LRRC42: variants seen among roughly 807,000 people sequenced by gnomAD.
LRRC42 encodes the protein leucine rich repeat containing 42.
A neutral mutation model predicts 44.3 loss-of-function variants in LRRC42; 43 were observed. The observed-to-expected ratio is 0.97, with a 90% CI of 0.76 to 1.25. The LOEUF (loss-of-function observed/expected upper bound fraction) is 1.25. Ranked by LOEUF, LRRC42 falls within the 50% of genes most tolerant of loss-of-function variation. The pLI is 0.00. For synonymous variants in LRRC42, 207 were observed against 195.2 expected, an observed-to-expected ratio of 1.06 and a Z score of -0.50; for missense variants, 540 against 509.1, an observed-to-expected ratio of 1.06 and a Z score of -0.58.
At chr1:53,952,592 A>G (rs1654724837) in intron 3 of LRRC42, 120 bp downstream of exon 3, 2 of 742,068 alleles carry the variant, frequency 2.7e-6, no homozygotes, top group African/African-American at 1.8e-5. Flanking sequence ...AGAACTTCCA[A>G]ATATGAAGTA....
chr1:53,953,454 T>C (rs919605493), intron 3 of LRRC42, among the ~76,000 whole-genome samples: 2 of 151,970 alleles, frequency 1.3e-5, no homozygotes, highest in African/African-American at 4.8e-5. Flanking sequence ...TCCAACTGCC[T>C]GGTTCAAGCA....
chr1:53,950,287 G>T (rs1654636555), intron 2 of LRRC42, among the ~76,000 whole-genome samples: 1 of 152,240 alleles, frequency 6.6e-6, no homozygotes, highest in Non-Finnish European at 1.5e-5. Flanking sequence ...GGACATGAGA[G>T]CATGGCCAGT....
intron 4 of LRRC42, 66 bp downstream of exon 4, chr1:53,958,346 A>T: frequency 6.3e-7 from 1 of 1,584,162 alleles, no homozygotes; most frequent in South Asian, 1.1e-5. Context: ...ATCCAACAGG[A>T]TTATCTTCAG....
At chr1:53,960,235 G>A (rs1215404384) in intron 4 of LRRC42, 121 bp from the exon 5 acceptor site, 1 of 702,166 alleles carries the variant, frequency 1.4e-6, no homozygotes, top group Non-Finnish European at 2.4e-6. Context: ...CATTGGGTAT[G>A]AAATAGCAAG....
chr1:53,956,835 ATG>A (rs1654855068), intron 3 of LRRC42, among the ~76,000 whole-genome samples: 1 of 152,222 alleles, frequency 6.6e-6, no homozygotes, highest in Non-Finnish European at 1.5e-5. Flanking sequence ...ATCAAAGTAT[ATG>A]TGTTTTCCTT....
chr1:53,964,918 G>A (rs181269227), intron 7 of LRRC42, among the ~76,000 whole-genome samples: 6 of 151,518 alleles, frequency 4.0e-5, no homozygotes, highest in Admixed American at 1.3e-4. Context: ...ACTCCTGGGC[G>A]CAAGGGATCC....
intron 7 of LRRC42, among the ~76,000 whole-genome samples, chr1:53,964,252 C>CT (rs1200153102): frequency 6.6e-6 from 1 of 152,106 alleles, no homozygotes; most frequent in Non-Finnish European, 1.5e-5. Flanking sequence ...TCTCCTGGCT[C>CT]TCCCCCAACT....
At chr1:53,948,592 C>T (rs778453461) in intron 2 of LRRC42, among the ~76,000 whole-genome samples, 1 of 152,180 alleles carries the variant, frequency 6.6e-6, no homozygotes, top group Admixed American at 6.5e-5. Flanking sequence ...ATCAAAATGT[C>T]GCTGTTACTC....
intron 4 of LRRC42, 123 bp downstream of exon 4, chr1:53,958,403 T>C (rs547410935): frequency 1.3e-5 from 17 of 1,280,194 alleles, no homozygotes; most frequent in African/African-American, 1.2e-4. Flanking sequence ...TTTTTTTTCC[T>C]AAAACATTTT....
rs760505958 is a variant in LRRC42 at position 53,962,132 on chromosome 1, T to C, written c.813+10T>C. On this transcript the variant is annotated intron_variant, in intron 6 of 8. Coordinates refer to ENST00000371370, the MANE Select transcript of LRRC42 (RefSeq NM_001256409.2). ...TGGGACAGGGCTCAAGGTAAGACTT[T>C]TGGTTCCTTCTCTCATTTTTCTAGA... 5 of 1,605,968 alleles carry C rather than the reference T, an allele frequency of 3.1e-6. No individual in the cohort carries two copies. The highest frequency in any genetic ancestry group is 4.3e-6 in the Non-Finnish European group (5 of 1,174,138).
At chr1:53,951,668 G>A (rs1201855864) in intron 2 of LRRC42, among the ~76,000 whole-genome samples, 2 of 152,096 alleles carry the variant, frequency 1.3e-5, no homozygotes, top group African/African-American at 4.8e-5. Context: ...CAGGTGATCC[G>A]CCCGCCTCGG....
Position 53,962,104 on chromosome 1 carries a change from C to G in LRRC42, c.795C>G (p.Ile265Met). ...TTAGGAAACTAAACTGCTTAGATAT[C>G]TCTGGGACAGGGCTCAAGGTAAGAC... is the stretch of plus-strand genomic sequence containing the variant. ...FSFRKLNCLD[I>M]SGTGLKDIKT... Residue 265 changes from isoleucine to methionine, a missense_variant, in exon 6 of 9, where the codon ATC becomes ATG. Transcript: ENST00000371370. 6.2e-7 allele frequency: 1 copy of G among 1,613,572 alleles called. No homozygotes were observed. Among genetic ancestry groups the G allele is most frequent in the Non-Finnish European group, 8.5e-7 (1 of 1,179,574 alleles).
In LRRC42 at chr1:53,950,000, A is replaced by G. The variant is rs115789668; in HGVS notation, c.-14-1986A>G. 9.3e-3 allele frequency among the ~76,000 whole-genome samples: 1,414 copies of G among 152,360 alleles called. 25 individuals carry two copies. The highest frequency in any genetic ancestry group is 0.032 in the African/African-American group (1,348 of 41,574). ...TTACTTAGTACTAGGCACTATGTCA[A>G]GCCTGAGAAAGATAGATGAATCAAA... On this transcript the variant is annotated intron_variant, in intron 2 of 8. Transcript: ENST00000371370.
intron 8 of LRRC42, among the ~76,000 whole-genome samples, chr1:53,966,929 C>T (rs1259631085): frequency 1.3e-5 from 2 of 151,634 alleles, no homozygotes; most frequent in Admixed American, 6.6e-5. Flanking sequence ...ACTAGGGAGG[C>T]GGGGGTGGCA....
chr1:53,967,768 T>C lies in LRRC42; in HGVS notation c.1116T>C (p.Asp372=). Residue 372 remains aspartate (D), a synonymous_variant, in exon 9 of 9, where the codon GAT becomes GAC. Coordinates refer to ENST00000371370, the MANE Select transcript of LRRC42 (RefSeq NM_001256409.2). ...KLQFYKEKAP[D]CHGPVLKHEA... Reference sequence around the variant, plus strand: ...AGTTCTATAAAGAGAAAGCCCCAGATTGCCATGGGCCAGTGTTGAAACACG... The same window carrying C: ...AGTTCTATAAAGAGAAAGCCCCAGACTGCCATGGGCCAGTGTTGAAACACG... 1.2e-6 allele frequency: 2 copies of C among 1,614,158 alleles called. No individual in the cohort carries two copies. Among genetic ancestry groups the C allele is most frequent in the Non-Finnish European group, 1.7e-6 (2 of 1,180,036 alleles).
In LRRC42 at chr1:53,947,321, T is replaced by C. The variant is rs187028945; in HGVS notation, c.-48-467T>C. The stretch of plus-strand genomic sequence containing the variant: ...TGAGAAGCGCTAGAATTGGTAAGAG[T>C]GTCACGTTGTGGGAGAGACTGGCAT... On this transcript the variant is annotated intron_variant, in intron 1 of 8. Coordinates refer to ENST00000371370, the MANE Select transcript of LRRC42 (RefSeq NM_001256409.2). Among the ~76,000 whole-genome samples, 1,136 of 149,530 alleles carry C rather than the reference T, an allele frequency of 7.6e-3. 5 individuals are homozygous for C. Among genetic ancestry groups the C allele is most frequent in the Non-Finnish European group, 0.013 (870 of 67,734 alleles).
chr1:53,965,248 G>T (rs1409407272), intron 7 of LRRC42, among the ~76,000 whole-genome samples: 1 of 150,900 alleles, frequency 6.6e-6, no homozygotes, highest in Non-Finnish European at 1.5e-5. Context: ...GCCTCTCAAA[G>T]TGCTGGGATT....
At chr1:53,966,270 T>G in intron 7 of LRRC42, 26 bp from the exon 8 acceptor site, 1 of 1,584,040 alleles carries the variant, frequency 6.3e-7, no homozygotes, top group Non-Finnish European at 8.7e-7. Flanking sequence ...TTTGTTTGGA[T>G]TCAAATCTTT....
Position 53,952,156 on chromosome 1 carries a change from G to T in LRRC42, c.157G>T (p.Val53Leu), listed in dbSNP as rs1299634695. 6.2e-7 allele frequency: 1 copy of T among 1,614,198 alleles called. No homozygotes were observed. Among genetic ancestry groups the T allele is most frequent in the East Asian group, 2.2e-5 (1 of 44,884 alleles). ...PFRLFPKGFS[V>L]ELCMNREDDT... Reference sequence around the variant, plus strand: ...CAGACTGTTCCCCAAAGGCTTTTCTGTGGAGCTTTGCATGAACAGGGAAGA... The same window carrying T: ...CAGACTGTTCCCCAAAGGCTTTTCTTTGGAGCTTTGCATGAACAGGGAAGA... The change falls in exon 3 of 9, where the codon GTG (valine) becomes TTG (leucine). Residue 53 changes from valine (V) to leucine (L), a missense_variant. Val to Leu is a conservative substitution (Grantham distance 32). Transcript: ENST00000371370.
Sources: gnomAD v4.1 joint callset for allele counts (sites outside exome capture counted in the v4.1 genomes callset) on GRCh38, gnomAD v4.1.1 for gene constraint, MANE v1.5 for transcripts, NCBI Gene and HGNC (gene_info 2026-07-23, HGNC 2026-07-21) for gene names.